The following SLC44A5 variants were observed in gnomAD, a reference collection of about 807,000 sequenced individuals.
SLC44A5 encodes choline transporter-like protein 5.
In SLC44A5, 57 loss-of-function variants were observed where a neutral mutation model predicts 101.8. The ratio of observed to expected loss-of-function variants is 0.56; its 90% CI spans 0.45 to 0.70. SLC44A5 has a LOEUF of 0.70. Among genes scored for constraint, SLC44A5 ranks in the 30% least tolerant of loss-of-function variants. The pLI is 0.00. For synonymous variants in SLC44A5, 281 were observed against 290.9 expected, an observed-to-expected ratio of 0.97 and a Z score of 0.35; for missense variants, 737 against 853.1, an observed-to-expected ratio of 0.86 and a Z score of 1.70.
chr1:75,231,129 T>TACTAACAA (rs1647522780), intron 12 of SLC44A5, among the ~76,000 whole-genome samples: 2 of 152,104 alleles, frequency 1.3e-5, no homozygotes, highest in Non-Finnish European at 2.9e-5. Flanking sequence ...AGTCAAAGGG[T>TACTAACAA]ACTAACAAAC....
At chr1:75,213,557 C>A in intron 22 of SLC44A5, 148 bp downstream of exon 22, 1 of 624,988 alleles carries the variant, frequency 1.6e-6, no homozygotes, top group Non-Finnish European at 2.9e-6. Context: ...AGGAAGAGGA[C>A]CCTCACCAGA....
intron 4 of SLC44A5, among the ~76,000 whole-genome samples, chr1:75,312,213 T>TTGTGAAGC (rs1389560235): frequency 2.0e-5 from 3 of 152,148 alleles, no homozygotes; most frequent in African/African-American, 4.8e-5. Flanking sequence ...TCCACCATGA[T>TTGTGAAGC]TGTGAAGCCT....
At chr1:75,492,997 C>T (rs1209460777) in intron 2 of SLC44A5, among the ~76,000 whole-genome samples, 3 of 152,154 alleles carry the variant, frequency 2.0e-5, no homozygotes, top group African/African-American at 7.2e-5. Flanking sequence ...GGTTACAAAG[C>T]CCTTCATATA....
the SLC44A5 span, among the ~76,000 whole-genome samples, chr1:75,656,590 C>T: frequency 2.1e-3 from 327 of 152,166 alleles, 1 homozygote; most frequent in African/African-American, 7.6e-3. Flanking sequence ...TTAAAGTTGC[C>T]ATCAGTTTAA....
intron 1 of SLC44A5, among the ~76,000 whole-genome samples, chr1:75,564,904 G>C (rs1465832776): frequency 6.6e-6 from 1 of 152,202 alleles, no homozygotes; most frequent in Non-Finnish European, 1.5e-5. Context: ...TTACAGGCGT[G>C]AGCCACTGCG....
chr1:75,508,814 T>G (rs1199799663), intron 2 of SLC44A5, among the ~76,000 whole-genome samples: 1 of 152,198 alleles, frequency 6.6e-6, no homozygotes, highest in African/African-American at 2.4e-5. Flanking sequence ...AATGAAATAT[T>G]CTTAGTATAT....
the SLC44A5 span, among the ~76,000 whole-genome samples, chr1:75,709,778 G>A: frequency 2.6e-5 from 4 of 151,758 alleles, no homozygotes; most frequent in Admixed American, 6.6e-5. Context: ...TTTTAATTTT[G>A]TTGATTCCAC....
the SLC44A5 span, among the ~76,000 whole-genome samples, chr1:75,620,778 G>T: frequency 1.3e-5 from 2 of 152,114 alleles, no homozygotes; most frequent in Non-Finnish European, 2.9e-5. Flanking sequence ...CATTCTGCAG[G>T]TTGCCTTTGC....
the SLC44A5 span, among the ~76,000 whole-genome samples, chr1:75,717,064 T>C: frequency 6.6e-6 from 1 of 151,292 alleles, no homozygotes. Flanking sequence ...AAATAAAATA[T>C]GGTACATATA....
chr1:75,703,111 A>G, the SLC44A5 span, among the ~76,000 whole-genome samples: 1,278 of 151,032 alleles, frequency 8.5e-3, 27 homozygotes, highest in African/African-American at 0.029. Context: ...GCGATTCCTC[A>G]GGGATCTAGA....
chr1:75,657,942 T>C, the SLC44A5 span, among the ~76,000 whole-genome samples: 2 of 151,634 alleles, frequency 1.3e-5, no homozygotes, highest in South Asian at 4.1e-4. Context: ...AGCTACAGTC[T>C]AGATCAAATG....
chr1:75,370,641 T>C (rs1557711396), intron 3 of SLC44A5, among the ~76,000 whole-genome samples: 1 of 152,214 alleles, frequency 6.6e-6, no homozygotes, highest in Non-Finnish European at 1.5e-5. Context: ...ATACTGGTTG[T>C]ACTCAAAACA....
At chr1:75,318,918 T>C (rs144064701) in intron 4 of SLC44A5, among the ~76,000 whole-genome samples, 2 of 152,290 alleles carry the variant, frequency 1.3e-5, no homozygotes, top group Non-Finnish European at 2.9e-5. Context: ...ATTTCAAATA[T>C]GCAGTTCAAA....
chr1:75,630,199 G>A, the SLC44A5 span, among the ~76,000 whole-genome samples: 3 of 152,060 alleles, frequency 2.0e-5, no homozygotes, highest in African/African-American at 7.2e-5. Context: ...ACTCTGTAGG[G>A]TGCCTTTGTG....
At chr1:75,398,437 G>C in intron 2 of SLC44A5, 1 of 978,568 alleles carries the variant, frequency 1.0e-6, no homozygotes, top group South Asian at 4.7e-5. Flanking sequence ...AATGAGAGGA[G>C]AAGGGAACTG....
chr1:75,679,080 G>C, the SLC44A5 span, among the ~76,000 whole-genome samples: 1 of 152,144 alleles, frequency 6.6e-6, no homozygotes, highest in South Asian at 2.1e-4. Flanking sequence ...TAAAAAGAAA[G>C]GAACAAAGCC....
intron 5 of SLC44A5, among the ~76,000 whole-genome samples, chr1:75,299,750 C>T (rs1459707258): frequency 6.6e-6 from 1 of 151,900 alleles, no homozygotes; most frequent in Non-Finnish European, 1.5e-5. Context: ...GTAGCTCATG[C>T]CTGTAATCCC....
chr1:75,445,269 T>G (rs1665487466), intron 2 of SLC44A5, among the ~76,000 whole-genome samples: 1 of 152,066 alleles, frequency 6.6e-6, no homozygotes, highest in Non-Finnish European at 1.5e-5. Context: ...CTCTTGCTCC[T>G]TCTCTTGCCA....
the SLC44A5 span, among the ~76,000 whole-genome samples, chr1:75,670,180 A>T: frequency 2.0e-5 from 3 of 152,190 alleles, no homozygotes; most frequent in Non-Finnish European, 4.4e-5. Flanking sequence ...TAACCTTTTG[A>T]ACCTGTAAAT....
Sources: allele counts gnomAD v4.1 joint callset (sites outside exome capture counted in the v4.1 genomes callset), GRCh38; gene constraint gnomAD v4.1.1; transcripts MANE v1.5; gene names NCBI Gene and HGNC (gene_info 2026-07-23, HGNC 2026-07-21).